The following AHNAK variants were observed in gnomAD, a reference collection of about 807,000 sequenced individuals.
AHNAK encodes AHNAK nucleoprotein.
In AHNAK, 23 loss-of-function variants were observed where a neutral mutation model predicts 37.8. The observed-to-expected ratio is 0.61, with a 90% CI of 0.44 to 0.86. The LOEUF (loss-of-function observed/expected upper bound fraction) is 0.86. Ranked by LOEUF, AHNAK falls within the 40% of genes least tolerant of loss-of-function variation. The pLI, the probability that AHNAK is intolerant of heterozygous loss-of-function variation, is 0.00. For synonymous variants in AHNAK, 2,481 were observed against 2,636.3 expected (o/e 0.94, Z 1.80); for missense variants, 7,411 against 7,319.4 (o/e 1.01, Z -0.46).
At chr11:62,514,860 C>G (rs1400964427), downstream of AHNAK, among the ~76,000 whole-genome samples, 2 of 152,154 alleles carry the variant, frequency 1.3e-5, no homozygotes, top group African/African-American at 4.8e-5. Flanking sequence ...ACGGTGAGGA[C>G]AGATGAAGCT....
intron 5 of AHNAK, among the ~76,000 whole-genome samples, chr11:62,469,990 G>T (rs980386209): frequency 6.6e-6 from 1 of 152,196 alleles, no homozygotes; most frequent in Non-Finnish European, 1.5e-5. Context: ...CATAACTAGA[G>T]CTCTGGCCCC....
chr11:62,478,656 G>A (rs746186102), intron 5 of AHNAK, among the ~76,000 whole-genome samples: 5 of 151,036 alleles, frequency 3.3e-5, no homozygotes, highest in South Asian at 4.2e-4. Flanking sequence ...ACTGAGGTGC[G>A]AGGATCGCTT....
At chr11:62,484,224 T>G (rs71490385) in intron 5 of AHNAK, among the ~76,000 whole-genome samples, 8,747 of 151,222 alleles carry the variant, frequency 0.058, 346 homozygotes, top group Middle Eastern at 0.09. Context: ...AAAAAAAATT[T>G]TTTTTTAATT....
At chr11:62,498,790 T>C (rs368376003) in intron 4 of AHNAK, among the ~76,000 whole-genome samples, 4 of 150,470 alleles carry the variant, frequency 2.7e-5, no homozygotes, top group Admixed American at 1.3e-4. Context: ...AAAAATAAAA[T>C]AAAAACAAAA....
downstream of AHNAK, among the ~76,000 whole-genome samples, chr11:62,512,868 AAGGGAGGGAGGG>A (rs541728955): frequency 4.0e-4 from 52 of 128,484 alleles, no homozygotes; most frequent in African/African-American, 1.3e-3. This position sits in a 1 kb window ranked among gnomAD's most constrained non-coding sequence, Gnocchi z 4.0. Flanking sequence ...AGAAGGAAGG[AAGGGAGGGAGGG>A]AGGGAGGGAG....
At chr11:62,467,404 G>T (rs948344183) in intron 5 of AHNAK, among the ~76,000 whole-genome samples, 5 of 152,140 alleles carry the variant, frequency 3.3e-5, no homozygotes, top group Admixed American at 3.3e-4. Context: ...CCCTCTTGAG[G>T]CTTGGCGCAG....
In AHNAK at chr11:62,530,732, C is replaced by T. The variant is rs1940709982; in HGVS notation, c.3685G>A (p.Val1229Ile). The change falls in exon 5 of 5, where the codon GTT becomes ATT. Residue 1229 changes from valine (V) to isoleucine (I), a missense_variant. Transcript: ENST00000378024. ...KVEGEMKVPDVEIKGPKMDID... is the reference protein window; with the variant it reads ...KVEGEMKVPDIEIKGPKMDID... Reference sequence around the variant, plus strand: ...TCCATTTTGGGTCCTTTGATTTCAACATCTGGCACTTTCATTTCACCTTCT... The same window carrying T: ...TCCATTTTGGGTCCTTTGATTTCAATATCTGGCACTTTCATTTCACCTTCT... The T allele has an allele frequency of 1.9e-6, 3 of 1,613,964 alleles. No homozygotes were observed. The African/African-American group carries it at 4.0e-5, about 22-fold the overall frequency.
rs1174027543 is a variant in AHNAK at position 62,522,098 on chromosome 11, C to G, written c.12319G>C (p.Gly4107Arg). Reference sequence around the variant, plus strand: ...GGGCCCTTCAGTTTCCCTTCTGGACCATGAATATCAATATCAGGAGTGTCA... The same window carrying G: ...GGGCCCTTCAGTTTCCCTTCTGGACGATGAATATCAATATCAGGAGTGTCA... ...DIDTPDIDIH[G>R]PEGKLKGPKF... The change falls in exon 5 of 5, where the codon GGT becomes CGT. Residue 4107 changes from glycine to arginine, a missense_variant. By Grantham distance (125) the Gly-to-Arg change is moderately radical. Coordinates refer to ENST00000378024, the MANE Select transcript of AHNAK (RefSeq NM_001620.3). 1 of 1,613,790 alleles carries G rather than the reference C, an allele frequency of 6.2e-7. No individual in the cohort carries two copies. Among genetic ancestry groups the G allele is most frequent in the African/African-American group, 1.3e-5 (1 of 74,798 alleles).
At chr11:62,539,088 G>GAA (rs1249278715) in intron 1 of AHNAK, among the ~76,000 whole-genome samples, 2 of 152,162 alleles carry the variant, frequency 1.3e-5, no homozygotes, top group Non-Finnish European at 2.9e-5. Context: ...GCAAACTGGC[G>GAA]AAAACACCTC....
At chr11:62,512,208 C>T (rs1233779622), downstream of AHNAK, among the ~76,000 whole-genome samples, 1 of 152,180 alleles carries the variant, frequency 6.6e-6, no homozygotes, top group Non-Finnish European at 1.5e-5. The surrounding 1 kb of genome is among the most constrained non-coding windows in gnomAD (Gnocchi z 4.0). Context: ...GCTTCTCTGC[C>T]CGACTCTGTG....
rs1410009839 is a variant in AHNAK, at chr11:62,529,023, C to G, written c.5394G>C (p.Glu1798Asp). The G allele has an allele frequency of 1.2e-6, 2 of 1,613,976 alleles. No homozygotes were observed. Among genetic ancestry groups the G allele is most frequent in the African/African-American group, 2.7e-5 (2 of 74,902 alleles). ...CCAGTTCTGGCACAGAAGCATCTAT[C>G]TCTCCCTTCAGTTTGGGTCCCTTCA... ...LNLKGPKLKG[E>D]IDASVPELEG... Residue 1798 changes from glutamate to aspartate, a missense_variant, in exon 5 of 5, where the codon GAG (glutamate) becomes GAC (aspartate). By Grantham distance (45) the Glu-to-Asp change is conservative. Transcript: ENST00000378024.
At chr11:62,459,996 T>C (rs1232050799) in intron 5 of AHNAK, among the ~76,000 whole-genome samples, 3 of 151,856 alleles carry the variant, frequency 2.0e-5, no homozygotes. Context: ...AAAAATTAGC[T>C]GGGCATAGCT....
At chr11:62,443,015 A>C (rs1226822701) in intron 5 of AHNAK, among the ~76,000 whole-genome samples, 1 of 150,942 alleles carries the variant, frequency 6.6e-6, no homozygotes, top group Non-Finnish European at 1.5e-5. Context: ...TCTGTCACCC[A>C]GGCTGGAGTG....
intron 5 of AHNAK, among the ~76,000 whole-genome samples, chr11:62,439,089 A>ATTTTTTTT (rs11374757): frequency 1.5e-4 from 14 of 92,896 alleles, no homozygotes; most frequent in Non-Finnish European, 2.3e-4. Context: ...CAGTTTCCCT[A>ATTTTTTTT]TTTTTTTTTT....
At chr11:62,505,937 C>G (rs1340949235) in intron 4 of AHNAK, among the ~76,000 whole-genome samples, 1 of 150,550 alleles carries the variant, frequency 6.6e-6, no homozygotes, top group Non-Finnish European at 1.5e-5. Context: ...TCTGTAATCC[C>G]GGCACTTCCG....
In AHNAK at chr11:62,523,500, G is replaced by A. The variant is rs554506699; in HGVS notation, c.10917C>T (p.Asp3639=). 55 of 1,613,882 alleles carry A rather than the reference G, an allele frequency of 3.4e-5. No homozygotes were observed. Among genetic ancestry groups the A allele is most frequent in the Middle Eastern group, 3.3e-4 (2 of 6,060 alleles). The part of the protein sequence containing the change: ...ADIDISGPNV[D]VDVPDVNIEG... ...CAATATTCACGTCTGGAACATCAACGTCTACATTGGGACCAGAAATGTCAA... is the reference window on the plus strand; with the variant it reads ...CAATATTCACGTCTGGAACATCAACATCTACATTGGGACCAGAAATGTCAA... The change falls in exon 5 of 5, where the codon GAC becomes GAT. Residue 3639 remains aspartate, a synonymous_variant. Coordinates refer to ENST00000378024, the MANE Select transcript of AHNAK (RefSeq NM_001620.3).
intron 4 of AHNAK, among the ~76,000 whole-genome samples, chr11:62,499,665 C>T (rs1002138202): frequency 1.3e-5 from 2 of 152,138 alleles, no homozygotes; most frequent in Admixed American, 1.3e-4. Flanking sequence ...AGGGGTGTGG[C>T]CGAGTGCTGG....
rs1245971553 is a variant in AHNAK at position 62,535,153 on chromosome 11, G to T, written c.192C>A (p.Asn64Lys). Residue 64 changes from asparagine (N) to lysine (K), a missense_variant, in exon 4 of 5, where the codon AAC becomes AAA. Coordinates refer to ENST00000378024, the MANE Select transcript of AHNAK (RefSeq NM_001620.3). ...GCTGGGTCACCTCACCCGACTGCAG[G>T]TTGTCAAAGTAGATGGTGGCACCCA... ...QIVGATIYFD[N>K]LQSGEVTQLL... 6.2e-7 allele frequency: 1 copy of T among 1,612,668 alleles called. No homozygotes were observed. Among genetic ancestry groups the T allele is most frequent in the Admixed American group, 1.7e-5 (1 of 60,004 alleles).
chr11:62,479,184 T>TTTTTTTTTTTTTTTTTTG (rs1939211947), intron 5 of AHNAK, among the ~76,000 whole-genome samples: 1 of 148,828 alleles, frequency 6.7e-6, no homozygotes, highest in East Asian at 1.9e-4. Flanking sequence ...TTTTTTTTTT[T>TTTTTTTTTTTTTTTTTTG]GATACGGAGT....
Sources: allele counts gnomAD v4.1 joint callset (sites outside exome capture counted in the v4.1 genomes callset), GRCh38; gene constraint gnomAD v4.1.1; non-coding constraint Gnocchi (gnomAD v3.1); transcripts MANE v1.5; gene names NCBI Gene and HGNC (gene_info 2026-07-23, HGNC 2026-07-21).